The following LBHD1 variants were observed in gnomAD, a reference collection of about 807,000 sequenced individuals.
LBHD1 encodes the protein LBH domain containing 1.
A neutral mutation model predicts 31.1 loss-of-function variants in LBHD1; 28 were observed. The ratio of observed to expected loss-of-function variants is 0.90; its 90% CI spans 0.67 to 1.24. The LOEUF is 1.24. Among genes scored for constraint, LBHD1 ranks in the 50% most tolerant of loss-of-function variants. The probability of loss-of-function intolerance (pLI) is 0.00; values close to 1 mark genes in which losing one functional copy is unlikely to be tolerated. For missense variants in LBHD1, 350 were observed against 323.0 expected, an observed-to-expected ratio of 1.08 and a Z score of -0.64; for synonymous variants, 105 against 116.5, an observed-to-expected ratio of 0.90 and a Z score of 0.63.
intron 4 of LBHD1, chr11:62,667,055 C>T (rs1944839649): frequency 6.3e-7 from 1 of 1,588,054 alleles, no homozygotes. Flanking sequence ...TCATTAAAGA[C>T]ATTTTAGTAG....
intron 4 of LBHD1, chr11:62,665,292 A>T: frequency 1.4e-6 from 1 of 716,064 alleles, no homozygotes; most frequent in South Asian, 1.6e-5. Flanking sequence ...TATATAAAGG[A>T]GCTCCGCGGT....
At chr11:62,665,063 C>A (rs1421044625) in intron 4 of LBHD1, 90 bp from the exon 5 acceptor site, 14 of 1,566,410 alleles carry the variant, frequency 8.9e-6, no homozygotes, top group Non-Finnish European at 1.2e-5. Context: ...TCACTGATCC[C>A]ATCTCGTGCG....
intron 4 of LBHD1, chr11:62,666,531 T>C: frequency 1.2e-6 from 2 of 1,614,180 alleles, no homozygotes; most frequent in Non-Finnish European, 8.5e-7. Flanking sequence ...CTGCCATTGC[T>C]GCAGGAGGCA....
rs55638384 is a variant in LBHD1 at position 62,672,082 on chromosome 11, G to C, written c.-529C>G. 31,510 of 1,598,758 alleles carry C rather than the reference G, an allele frequency of 0.02. 357 individuals carry two copies. Among genetic ancestry groups the C allele is most frequent in the Non-Finnish European group, 0.024 (27,761 of 1,173,142 alleles). On this transcript the variant is annotated 5_prime_UTR_variant, in exon 1 of 7. Transcript: ENST00000354588. The stretch of plus-strand genomic sequence containing the variant: ...CTGGAGGAAGAACTGGATGGTTGGC[G>C]GCGAAGGCGGCGCCGGCGGGAGGTC...
chr11:62,666,534 A>G, intron 4 of LBHD1: 1 of 1,614,174 alleles, frequency 6.2e-7, no homozygotes, highest in Non-Finnish European at 8.5e-7. Context: ...CCATTGCTGC[A>G]GGAGGCACAG....
At chr11:62,666,052 C>T in intron 4 of LBHD1, 1 of 1,303,736 alleles carries the variant, frequency 7.7e-7, no homozygotes, top group Non-Finnish European at 1.1e-6. Context: ...TTGTGATTCT[C>T]AAACCCTACG....
chr11:62,671,761 A>G lies in LBHD1; in HGVS notation c.-208T>C. ...GCAGGCGGCCATGGATTCCTTGCGG[A>G]AAATGCTGATCTCAGTCGCAATGCT... is the stretch of plus-strand genomic sequence containing the variant. On this transcript the variant is annotated 5_prime_UTR_variant, in exon 1 of 7. Transcript: ENST00000354588. The G allele has an allele frequency of 1.2e-6, 2 of 1,613,874 alleles. No homozygotes were observed. The highest frequency in any genetic ancestry group is 1.7e-6 in the Non-Finnish European group (2 of 1,179,900).
In LBHD1 at chr11:62,671,628, A is replaced by T. The variant is rs1944945175; in HGVS notation, c.-75T>A. ...GCAGGTCCTCTCTAGCCGGCCGCTTATCTATGGTTTCTGCTATAGGGCGCT... is the reference window on the plus strand; with the variant it reads ...GCAGGTCCTCTCTAGCCGGCCGCTTTTCTATGGTTTCTGCTATAGGGCGCT... On this transcript the variant is annotated 5_prime_UTR_variant, in exon 1 of 7. Coordinates refer to ENST00000354588, the MANE Select transcript of LBHD1 (RefSeq NM_024099.5). The T allele has an allele frequency of 4.7e-5, 70 of 1,485,590 alleles. No individual in the cohort carries two copies. The highest frequency in any genetic ancestry group is 3.6e-4 in the Middle Eastern group (2 of 5,504). 92.0% of individuals were successfully genotyped at this position (1,485,590 alleles called of 1,614,324 possible).
chr11:62,667,025 G>GT (rs2134634283), intron 4 of LBHD1: 1 of 1,607,030 alleles, frequency 6.2e-7, no homozygotes, highest in Admixed American at 1.7e-5. Context: ...CACCTACTTT[G>GT]CTTACTTGAT....
At chr11:62,666,195 C>T (rs1028254259) in intron 4 of LBHD1, 6 of 718,294 alleles carry the variant, frequency 8.4e-6, no homozygotes, top group Non-Finnish European at 1.4e-5. Context: ...AAAAAATTAA[C>T]CGGGCACGAT....
chr11:62,671,278 T>C (rs17637597), intron 1 of LBHD1: 136,195 of 554,668 alleles, frequency 0.25, 18,619 homozygotes, highest in Non-Finnish European at 0.3. Context: ...TGAGTGTTTG[T>C]TCCAGAGTTG....
chr11:62,666,932 C>T (rs372671423), intron 4 of LBHD1: 2 of 1,614,104 alleles, frequency 1.2e-6, no homozygotes, highest in East Asian at 4.5e-5. Context: ...AGATGAGGAC[C>T]CTGATGTGCG....
chr11:62,672,174 C>T lies in LBHD1; in HGVS notation c.-621G>A. Reference sequence around the variant, plus strand: ...CTTGGGCGCAGGAATCCGAGGCAGCCTTTCTCCTTCGTGGGCCCAGCGGAG... The same window carrying T: ...CTTGGGCGCAGGAATCCGAGGCAGCTTTTCTCCTTCGTGGGCCCAGCGGAG... On this transcript the variant is annotated 5_prime_UTR_variant, in exon 1 of 7. Coordinates refer to ENST00000354588, the MANE Select transcript of LBHD1 (RefSeq NM_024099.5). The T allele has an allele frequency of 6.7e-7, 1 of 1,499,212 alleles. No individual in the cohort carries two copies. Among genetic ancestry groups the T allele is most frequent in the Non-Finnish European group, 9.0e-7 (1 of 1,116,136 alleles). The allele number at this position is 1,499,212 out of a possible 1,614,324, so 92.9% of individuals were successfully genotyped here. A position where few individuals can be genotyped will look rare whatever the true frequency, so the allele number is the denominator to read the frequency against.
chr11:62,668,366 CAGCT>C (rs1944873990), intron 3 of LBHD1: 1 of 151,288 alleles, frequency 6.6e-6, no homozygotes, highest in Non-Finnish European at 1.5e-5. Context: ...CCTGTAGCCC[CAGCT>C]ACTCAGGAGG....
At chr11:62,666,728 C>T in intron 4 of LBHD1, 2 of 1,614,094 alleles carry the variant, frequency 1.2e-6, no homozygotes, top group East Asian at 2.2e-5. Context: ...CCCTGGACAC[C>T]CTGCCTCAAG....
In LBHD1 at chr11:62,667,535, T is replaced by A. The variant is rs149450298; in HGVS notation, c.526A>T (p.Asn176Tyr). Reference sequence around the variant, plus strand: ...GAACAATACTTACCCTCAAAGCTATTAGGAGGCAGGAGATGGGAATATTCC... The same window carrying A: ...GAACAATACTTACCCTCAAAGCTATAAGGAGGCAGGAGATGGGAATATTCC... Reference protein sequence around the residue: ...FVEYSHLLPPNSFEGAEEEAV... With the variant: ...FVEYSHLLPPYSFEGAEEEAV... Residue 176 changes from asparagine to tyrosine, a missense_variant, in exon 4 of 7, where the codon AAT (asparagine) becomes TAT (tyrosine). By Grantham distance (143) the Asn-to-Tyr change is moderately radical. Coordinates refer to ENST00000354588, the MANE Select transcript of LBHD1 (RefSeq NM_024099.5). The A allele has an allele frequency of 5.5e-5, 88 of 1,614,112 alleles. No homozygotes were observed. The East Asian group carries it at 1.9e-3, about 36-fold the overall frequency.
intron 4 of LBHD1, chr11:62,666,984 C>G: frequency 6.2e-7 from 1 of 1,614,090 alleles, no homozygotes. Context: ...TGGACTGTGA[C>G]TGTGCAGGAG....
At chr11:62,665,507 C>T (rs760248962) in intron 4 of LBHD1, 12 of 1,572,590 alleles carry the variant, frequency 7.6e-6, no homozygotes, top group South Asian at 6.7e-5. Flanking sequence ...GCCCCCTCGG[C>T]GTCATGTCTT....
intron 4 of LBHD1, chr11:62,665,649 C>G: frequency 6.7e-7 from 1 of 1,500,134 alleles, no homozygotes; most frequent in Non-Finnish European, 8.9e-7. Context: ...GATTTCAGGT[C>G]TGCGGACGCT....
Sources: gnomAD v4.1 joint callset for allele counts on GRCh38, gnomAD v4.1.1 for gene constraint, MANE v1.5 for transcripts, NCBI Gene and HGNC (gene_info 2026-07-23, HGNC 2026-07-21) for gene names.